FOCAD: variants seen among roughly 807,000 people sequenced by gnomAD.
FOCAD encodes the protein KIAA1797.
Under a neutral mutation model 225.6 loss-of-function variants are expected in FOCAD, and 198 were observed. The observed-to-expected ratio is 0.88, with a 90% CI of 0.78 to 0.99. FOCAD has a LOEUF of 0.99. Among genes scored for constraint, FOCAD ranks in the 50% least tolerant of loss-of-function variants. The pLI is 0.00. For synonymous variants in FOCAD, 897 were observed against 755.0 expected (o/e 1.19, Z -3.08); for missense variants, 2,713 against 2,123.6 (o/e 1.28, Z -5.46).
intron 2 of FOCAD, among the ~76,000 whole-genome samples, chr9:20,715,852 T>C (rs1297901772): frequency 3.3e-5 from 5 of 152,248 alleles, no homozygotes; most frequent in Non-Finnish European, 2.9e-5. Flanking sequence ...AAATTTGATA[T>C]ATCTACTAAG....
At chr9:20,739,734 C>A (rs1827450613) in intron 4 of FOCAD, among the ~76,000 whole-genome samples, 1 of 151,698 alleles carries the variant, frequency 6.6e-6, no homozygotes, top group Non-Finnish European at 1.5e-5. Context: ...TATGTTTATC[C>A]TCTTATCTCT....
chr9:20,789,412 G>T lies in FOCAD; in HGVS notation c.1259G>T (p.Arg420Met). ...SMYGTIFTAW[R>M]ILEVMTDSSA... ...TATGGTACAATATTTACAGCCTGGAGGATTCTTGAAGTAATGACAGACTCG... is the reference window on the plus strand; with the variant it reads ...TATGGTACAATATTTACAGCCTGGATGATTCTTGAAGTAATGACAGACTCG... Residue 420 changes from arginine to methionine, a missense_variant, in exon 11 of 44, where the codon AGG becomes ATG. Transcript: ENST00000338382. The T allele has an allele frequency of 6.2e-7, 1 of 1,614,018 alleles. No individual in the cohort carries two copies. The highest frequency in any genetic ancestry group is 8.5e-7 in the Non-Finnish European group (1 of 1,179,958).
intron 1 of FOCAD, among the ~76,000 whole-genome samples, chr9:20,689,808 G>T (rs1324635284): frequency 6.6e-6 from 1 of 152,132 alleles, no homozygotes; most frequent in Non-Finnish European, 1.5e-5. Flanking sequence ...TGTTGTTAAC[G>T]TTTACCCATC....
intron 28 of FOCAD, among the ~76,000 whole-genome samples, chr9:20,942,976 C>T (rs1403862309): frequency 6.6e-6 from 1 of 152,180 alleles, no homozygotes; most frequent in Non-Finnish European, 1.5e-5. Flanking sequence ...AAAGAGAGAA[C>T]AACAGTCAAA....
At chr9:20,721,421 G>A (rs896687036) in intron 4 of FOCAD, among the ~76,000 whole-genome samples, 1 of 152,102 alleles carries the variant, frequency 6.6e-6, no homozygotes, top group African/African-American at 2.4e-5. Flanking sequence ...GTGGAAAGAT[G>A]CTGGATGCAG....
chr9:20,980,778 G>A (rs968222519), intron 37 of FOCAD, among the ~76,000 whole-genome samples: 3 of 152,066 alleles, frequency 2.0e-5, no homozygotes, highest in African/African-American at 7.3e-5. Flanking sequence ...TGCCCCTTTA[G>A]TAGCATGTTT....
At position 20,784,503 on chromosome 9, in the gene FOCAD, G is replaced by A. The variant is rs543003263; in HGVS notation, c.1197+2574G>A. 2.0e-5 allele frequency among the ~76,000 whole-genome samples: 3 copies of A among 152,304 alleles called. No homozygotes were observed. In the South Asian group the frequency reaches 6.2e-4, roughly 32 times the overall value. On this transcript the variant is annotated intron_variant, in intron 10 of 43. Coordinates refer to ENST00000338382, the MANE Select transcript of FOCAD (RefSeq NM_001375567.1). ...GAAAAGTTTTTTTGGAGGGGAGTAA[G>A]GGTGGATGGGTGAGATGAAGTGGAA...
Position 20,686,344 on chromosome 9 carries a change from A to G in FOCAD, c.-33+2051A>G, listed in dbSNP as rs551549294. Among the ~76,000 whole-genome samples the G allele has an allele frequency of 3.3e-5, 5 of 152,148 alleles. No homozygotes were observed. The South Asian group carries it at 1.0e-3, about 32-fold the overall frequency. ...GCTAATTTTTGTATTTTTAGTAGAG[A>G]CGGAGTTTCACCATGTTGGCCAGGC... is the stretch of plus-strand genomic sequence containing the variant. On this transcript the variant is annotated intron_variant, in intron 1 of 43. Transcript: ENST00000338382.
At chr9:20,916,463 A>G (rs186389002) in intron 23 of FOCAD, among the ~76,000 whole-genome samples, 4 of 152,318 alleles carry the variant, frequency 2.6e-5, no homozygotes, top group Admixed American at 2.0e-4. Context: ...GCTCTCATGT[A>G]AAAAAGAGAG....
Position 20,779,117 on chromosome 9 carries a change from T to C in FOCAD, c.994+349T>C, listed in dbSNP as rs12335699. Among the ~76,000 whole-genome samples, 493 of 152,346 alleles carry C rather than the reference T, an allele frequency of 3.2e-3. 3 individuals carry two copies. Among genetic ancestry groups the C allele is most frequent in the African/African-American group, 0.012 (480 of 41,580 alleles). ...TTGAAAGAAAAGTGTTTAGTAGTTG[T>C]AGTTATTTTTAAAACTCTCCATACC... is the stretch of plus-strand genomic sequence containing the variant. On this transcript the variant is annotated intron_variant, in intron 9 of 43. Transcript: ENST00000338382.
intron 19 of FOCAD, among the ~76,000 whole-genome samples, chr9:20,881,139 GT>G: frequency 6.6e-6 from 1 of 152,226 alleles, no homozygotes; most frequent in East Asian, 1.9e-4. Flanking sequence ...TATGAAAGAG[GT>G]TTTTCTGAAA....
At chr9:20,735,915 C>T (rs1827121447) in intron 4 of FOCAD, among the ~76,000 whole-genome samples, 1 of 151,524 alleles carries the variant, frequency 6.6e-6, no homozygotes, top group Non-Finnish European at 1.5e-5. Flanking sequence ...GTATGTAATT[C>T]AGTGTTTTCA....
chr9:20,901,150 T>C (rs1322589327), intron 21 of FOCAD, among the ~76,000 whole-genome samples: 1 of 151,368 alleles, frequency 6.6e-6, no homozygotes, highest in African/African-American at 2.4e-5. Flanking sequence ...GGGTCTCTAA[T>C]ACCAGTTGCA....
At chr9:20,961,550 C>G (rs1465004048) in intron 35 of FOCAD, among the ~76,000 whole-genome samples, 1 of 152,138 alleles carries the variant, frequency 6.6e-6, no homozygotes. Flanking sequence ...GTCTCTAGGC[C>G]GTTTCAGTGG....
At chr9:20,877,531 A>G (rs977070718) in intron 19 of FOCAD, among the ~76,000 whole-genome samples, 1 of 152,186 alleles carries the variant, frequency 6.6e-6, no homozygotes, top group Non-Finnish European at 1.5e-5. Context: ...GCCACAATCT[A>G]ACAATTATGA....
At chr9:20,906,048 T>G (rs1245016512) in intron 21 of FOCAD, among the ~76,000 whole-genome samples, 1 of 151,894 alleles carries the variant, frequency 6.6e-6, no homozygotes, top group African/African-American at 2.4e-5. Context: ...CATTTCTGGG[T>G]CTCTCACTAG....
intron 4 of FOCAD, among the ~76,000 whole-genome samples, chr9:20,731,260 A>G (rs1267927374): frequency 1.3e-5 from 2 of 151,434 alleles, no homozygotes; most frequent in African/African-American, 4.9e-5. Context: ...AACAACAACA[A>G]CAACAACAAC....
upstream of FOCAD, among the ~76,000 whole-genome samples, chr9:20,655,764 G>T (rs1490055060): frequency 6.6e-6 from 1 of 151,964 alleles, no homozygotes. Context: ...GGTTTTTTGT[G>T]TCTCTATTTC....
intron 22 of FOCAD, among the ~76,000 whole-genome samples, chr9:20,908,090 GA>G (rs1232716634): frequency 6.6e-6 from 1 of 152,066 alleles, no homozygotes; most frequent in Non-Finnish European, 1.5e-5. Context: ...TTTAAATTTA[GA>G]AATAATTTTA....
Sources: gnomAD v4.1 joint callset for allele counts (sites outside exome capture counted in the v4.1 genomes callset) on GRCh38, gnomAD v4.1.1 for gene constraint, MANE v1.5 for transcripts, NCBI Gene and HGNC (gene_info 2026-07-23, HGNC 2026-07-21) for gene names.